Variants in RUNX1T1 observed in about 807,000 individuals in gnomAD.
RUNX1T1 encodes the protein protein CBFA2T1.
In RUNX1T1, 4 loss-of-function variants were observed where a neutral mutation model predicts 62.8. That is an observed-to-expected ratio of 0.06 (90% confidence interval 0.03 to 0.15). The LOEUF (loss-of-function observed/expected upper bound fraction) is 0.15. RUNX1T1 is among the 10% of genes least tolerant of loss of function. The pLI is 1.00. For missense variants in RUNX1T1, 508 were observed against 754.3 expected, an observed-to-expected ratio of 0.67 and a Z score of 3.82; for synonymous variants, 291 against 286.0, an observed-to-expected ratio of 1.02 and a Z score of -0.18.
At chr8:91,992,572 A>C (rs1157379778) in intron 5 of RUNX1T1, among the ~76,000 whole-genome samples, 2 of 152,308 alleles carry the variant, frequency 1.3e-5, no homozygotes, top group African/African-American at 4.8e-5. Context: ...GATCAAACTG[A>C]GCAAATACCG....
intron 1 of RUNX1T1, among the ~76,000 whole-genome samples, chr8:92,030,626 C>T (rs1271132389): frequency 6.6e-6 from 1 of 152,210 alleles, no homozygotes; most frequent in Non-Finnish European, 1.5e-5. Flanking sequence ...ACCTAAACCA[C>T]CCCGGTGAAA....
At chr8:92,060,208 T>C (rs910722909) in intron 1 of RUNX1T1, among the ~76,000 whole-genome samples, 1 of 152,118 alleles carries the variant, frequency 6.6e-6, no homozygotes, top group Non-Finnish European at 1.5e-5. Flanking sequence ...TTCTTTATAA[T>C]GAGTTAAACA....
At chr8:92,043,978 C>CA (rs761044593) in intron 1 of RUNX1T1, among the ~76,000 whole-genome samples, 3,186 of 76,242 alleles carry the variant, frequency 0.042, 46 homozygotes, top group Middle Eastern at 0.054. Context: ...AACTCCGTCT[C>CA]AAAAAAAAAA....
intron 5 of RUNX1T1, among the ~76,000 whole-genome samples, chr8:91,997,618 C>T (rs1004692799): frequency 7.9e-5 from 12 of 152,202 alleles, no homozygotes; most frequent in African/African-American, 2.9e-4. Context: ...CTTGAAGTCA[C>T]TCTACAACTT....
upstream of RUNX1T1, chr8:92,102,820 G>C (rs1304574082): frequency 6.7e-7 from 1 of 1,491,838 alleles, no homozygotes; most frequent in African/African-American, 1.4e-5. This position sits in a 1 kb window ranked among gnomAD's most constrained non-coding sequence, Gnocchi z 4.5. Context: ...CGACCCCGCC[G>C]CCCGCCCGCC....
At chr8:91,997,468 C>T (rs936405475) in intron 5 of RUNX1T1, among the ~76,000 whole-genome samples, 4 of 152,086 alleles carry the variant, frequency 2.6e-5, no homozygotes, top group African/African-American at 7.2e-5. Context: ...AATATTCATC[C>T]TGTCATTTAT....
chr8:91,995,918 T>A (rs1406909729), intron 5 of RUNX1T1, among the ~76,000 whole-genome samples: 1 of 152,258 alleles, frequency 6.6e-6, no homozygotes, highest in East Asian at 1.9e-4. Context: ...AAAGCATGTA[T>A]GTTCAGAAGG....
At chr8:92,039,023 G>C (rs373401265) in intron 1 of RUNX1T1, among the ~76,000 whole-genome samples, 4 of 152,022 alleles carry the variant, frequency 2.6e-5, no homozygotes, top group East Asian at 3.9e-4. Flanking sequence ...GGCTTCTTAA[G>C]GGCAGACCTC....
rs575190585 is a variant in RUNX1T1 at position 91,989,019 on chromosome 8, G to A, written c.911-2047C>T. ...AGTCATAATACCAGAGGGATGTACC[G>A]GGGGAAATATCTCGTAATCATTAAA... On this transcript the variant is annotated intron_variant, in intron 6 of 10. Coordinates refer to ENST00000396218, the Ensembl canonical transcript of RUNX1T1. 2.6e-4 allele frequency among the ~76,000 whole-genome samples: 39 copies of A among 152,104 alleles called. 1 individual carries two copies. Among genetic ancestry groups the A allele is most frequent in the Admixed American group, 1.4e-3 (21 of 15,274 alleles).
intron 1 of RUNX1T1, among the ~76,000 whole-genome samples, chr8:92,085,596 A>C (rs1466337214): frequency 6.6e-6 from 1 of 152,218 alleles, no homozygotes; most frequent in African/African-American, 2.4e-5. Flanking sequence ...AGTCTTAAAA[A>C]ATCCAATTCT....
intron 1 of RUNX1T1, among the ~76,000 whole-genome samples, chr8:92,028,783 C>T (rs1448536832): frequency 6.6e-6 from 1 of 152,118 alleles, no homozygotes; most frequent in African/African-American, 2.4e-5. Flanking sequence ...GAGAAAGATG[C>T]ATGTTATCAC....
At chr8:92,024,758 C>G (rs528986005) in intron 1 of RUNX1T1, among the ~76,000 whole-genome samples, 2 of 152,078 alleles carry the variant, frequency 1.3e-5, no homozygotes, top group Non-Finnish European at 2.9e-5. Flanking sequence ...AAGGGCTCCT[C>G]TTTTTCCTGC....
chr8:92,053,869 A>G (rs1202254293), intron 1 of RUNX1T1, among the ~76,000 whole-genome samples: 1 of 152,184 alleles, frequency 6.6e-6, no homozygotes, highest in African/African-American at 2.4e-5. Flanking sequence ...GAAAATCAAG[A>G]TCTGAACATA....
chr8:92,095,768 A>T (rs1837696585), intron 1 of RUNX1T1: 1 of 374,072 alleles, frequency 2.7e-6, no homozygotes, highest in African/African-American at 2.0e-5. Flanking sequence ...TGGGAATGAG[A>T]GGCAGGCTAG....
chr8:92,047,346 A>G (rs1829569102), intron 1 of RUNX1T1, among the ~76,000 whole-genome samples: 1 of 152,004 alleles, frequency 6.6e-6, no homozygotes, highest in Non-Finnish European at 1.5e-5. Context: ...GTGCATTTCA[A>G]TTACCCAAAT....
chr8:92,024,960 T>C (rs922303033), intron 1 of RUNX1T1, among the ~76,000 whole-genome samples: 3 of 152,176 alleles, frequency 2.0e-5, no homozygotes, highest in Non-Finnish European at 2.9e-5. Context: ...ACTCAAATAA[T>C]GTGTATTGCA....
intron 3 of RUNX1T1, among the ~76,000 whole-genome samples, chr8:92,012,402 T>C (rs1421665130): frequency 1.3e-5 from 2 of 151,802 alleles, no homozygotes; most frequent in Admixed American, 6.6e-5. Flanking sequence ...GGTGTGGTGG[T>C]GTGTGCCTCT....
intron 1 of RUNX1T1, among the ~76,000 whole-genome samples, chr8:92,045,599 T>C (rs922222665): frequency 3.3e-5 from 5 of 152,328 alleles, no homozygotes; most frequent in African/African-American, 1.2e-4. Flanking sequence ...ATTTCAATCA[T>C]GGACTTCAAC....
At chr8:92,079,036 T>A (rs1050242736) in intron 1 of RUNX1T1, among the ~76,000 whole-genome samples, 1 of 152,194 alleles carries the variant, frequency 6.6e-6, no homozygotes, top group African/African-American at 2.4e-5. Context: ...AGTTCCCCAT[T>A]ACTGTATTTC....
Sources: allele counts gnomAD v4.1 joint callset (sites outside exome capture counted in the v4.1 genomes callset), GRCh38; gene constraint gnomAD v4.1.1; non-coding constraint Gnocchi (gnomAD v3.1); transcripts MANE v1.5; gene names NCBI Gene and HGNC (gene_info 2026-07-23, HGNC 2026-07-21).